The following GRID2 variants were observed in gnomAD, a reference collection of about 807,000 sequenced individuals.
GRID2 encodes the protein glutamate ionotropic receptor delta type subunit 2.
A neutral mutation model predicts 114.8 loss-of-function variants in GRID2; 33 were observed. The ratio of observed to expected loss-of-function variants is 0.29; its 90% confidence interval spans 0.22 to 0.38. The LOEUF (loss-of-function observed/expected upper bound fraction) is 0.38, where lower values mean the gene tolerates loss of function less well. Among genes scored for constraint, GRID2 ranks in the 10% least tolerant of loss-of-function variants. GRID2 has a pLI of 1.00. For missense variants in GRID2, 1,184 were observed against 1,257.7 expected (o/e 0.94, Z 0.89); for synonymous variants, 505 against 449.9 (o/e 1.12, Z -1.55).
chr4:93,644,426 A>T (rs1380815814), intron 14 of GRID2, among the ~76,000 whole-genome samples: 1 of 152,198 alleles, frequency 6.6e-6, no homozygotes, highest in Admixed American at 6.5e-5. Flanking sequence ...CGCTAAAAAA[A>T]ATCGTGAGAT....
chr4:93,729,570 G>C (rs1444557851), intron 14 of GRID2, among the ~76,000 whole-genome samples: 2 of 150,910 alleles, frequency 1.3e-5, no homozygotes, highest in Non-Finnish European at 2.9e-5. Context: ...TTTTGAGATG[G>C]AGTCTCACTT....
At chr4:93,356,011 C>T (rs1761300030) in intron 8 of GRID2, among the ~76,000 whole-genome samples, 1 of 152,054 alleles carries the variant, frequency 6.6e-6, no homozygotes, top group Non-Finnish European at 1.5e-5. Flanking sequence ...TCTAGCTGAG[C>T]TTCTTTCTAA....
At chr4:93,139,676 C>G (rs1735579478) in intron 4 of GRID2, among the ~76,000 whole-genome samples, 1 of 151,908 alleles carries the variant, frequency 6.6e-6, no homozygotes, top group South Asian at 2.1e-4. Context: ...TTCCAATAAA[C>G]TTAAATCAGC....
chr4:93,231,611 C>T (rs752677357), intron 7 of GRID2, among the ~76,000 whole-genome samples: 4 of 152,130 alleles, frequency 2.6e-5, no homozygotes, highest in South Asian at 2.1e-4. Flanking sequence ...TTGCCATGGA[C>T]GGGAATTGTT....
At chr4:93,229,720 C>A (rs978576534) in intron 7 of GRID2, among the ~76,000 whole-genome samples, 3 of 152,084 alleles carry the variant, frequency 2.0e-5, no homozygotes, top group Non-Finnish European at 2.9e-5. Context: ...AAATTAATTT[C>A]TATTCTTATT....
At chr4:93,794,212 A>T (rs1734751443) in intron 1 of GRID2, among the ~76,000 whole-genome samples, 1 of 152,178 alleles carries the variant, frequency 6.6e-6, no homozygotes, top group Non-Finnish European at 1.5e-5. Context: ...GATGGCAGTG[A>T]TACGTCTGTG....
chr4:92,949,273 G>T (rs1226678711), intron 2 of GRID2, among the ~76,000 whole-genome samples: 2 of 151,802 alleles, frequency 1.3e-5, no homozygotes, highest in Non-Finnish European at 2.9e-5. Flanking sequence ...AAATATCTAT[G>T]TAATTATTAA....
intron 2 of GRID2, among the ~76,000 whole-genome samples, chr4:92,961,203 T>A (rs553924975): frequency 6.6e-5 from 10 of 152,032 alleles, no homozygotes; most frequent in Middle Eastern, 3.4e-3. Context: ...TTGAACAAAT[T>A]ATTGTCCATT....
chr4:93,336,554 T>G (rs1759110386), intron 8 of GRID2, among the ~76,000 whole-genome samples: 1 of 152,302 alleles, frequency 6.6e-6, no homozygotes, highest in Admixed American at 6.5e-5. Flanking sequence ...TTCTCTAGGA[T>G]AAATGCCTAT....
chr4:92,896,668 T>G (rs1747186924), intron 2 of GRID2, among the ~76,000 whole-genome samples: 1 of 152,132 alleles, frequency 6.6e-6, no homozygotes, highest in Admixed American at 6.5e-5. Flanking sequence ...CTCAGTTCTT[T>G]AAAACAGAAG....
At chr4:92,610,781 C>T (rs1159304910) in intron 2 of GRID2, among the ~76,000 whole-genome samples, 1 of 151,666 alleles carries the variant, frequency 6.6e-6, no homozygotes, top group African/African-American at 2.4e-5. Flanking sequence ...AGATTAGCCT[C>T]TTCTGGGCAT....
At chr4:93,515,458 C>A in intron 13 of GRID2, 47 bp downstream of exon 13, 1 of 1,257,658 alleles carries the variant, frequency 8.0e-7, no homozygotes, top group South Asian at 1.3e-5. Context: ...TTTTGTGTCC[C>A]ATGCTGGAAT....
At chr4:93,079,108 T>C (rs1330381383) in intron 2 of GRID2, among the ~76,000 whole-genome samples, 8 of 151,636 alleles carry the variant, frequency 5.3e-5, no homozygotes, top group African/African-American at 1.9e-4. Context: ...TGATAAAATG[T>C]ATGTGAAACC....
chr4:93,685,416 G>T (rs1354889016), intron 14 of GRID2, among the ~76,000 whole-genome samples: 1 of 151,992 alleles, frequency 6.6e-6, no homozygotes, highest in African/African-American at 2.4e-5. Context: ...ACTGAGCCAG[G>T]TTCATTGCCA....
chr4:93,105,259 C>A (rs1732101567), intron 3 of GRID2, among the ~76,000 whole-genome samples: 1 of 151,842 alleles, frequency 6.6e-6, no homozygotes, highest in South Asian at 2.1e-4. Flanking sequence ...TTGTAGGTTG[C>A]CTGTTCACTC....
At chr4:93,050,476 AGTC>A (rs1018896308) in intron 2 of GRID2, among the ~76,000 whole-genome samples, 2 of 151,200 alleles carry the variant, frequency 1.3e-5, no homozygotes, top group Admixed American at 6.6e-5. Context: ...GAAACCATGA[AGTC>A]AGTCCTTGAC....
intron 1 of GRID2, among the ~76,000 whole-genome samples, chr4:93,794,922 A>G (rs1343902378): frequency 6.6e-6 from 1 of 152,144 alleles, no homozygotes; most frequent in Non-Finnish European, 1.5e-5. Context: ...ACATTCCCCA[A>G]TGTATCATCT....
intron 10 of GRID2, among the ~76,000 whole-genome samples, chr4:93,435,286 A>G (rs1720967466): frequency 6.6e-6 from 1 of 152,200 alleles, no homozygotes; most frequent in African/African-American, 2.4e-5. Context: ...ATAACCATTC[A>G]ATGGGATCTC....
chr4:93,476,719 C>T (rs1364543047), intron 11 of GRID2, among the ~76,000 whole-genome samples: 5 of 152,018 alleles, frequency 3.3e-5, no homozygotes, highest in Admixed American at 6.6e-5. Context: ...CAAAATGCTA[C>T]GTAGTAGAAA....
Sources: allele counts gnomAD v4.1 joint callset (sites outside exome capture counted in the v4.1 genomes callset), GRCh38; gene constraint gnomAD v4.1.1; transcripts MANE v1.5; gene names NCBI Gene and HGNC (gene_info 2026-07-23, HGNC 2026-07-21).